The following NSMAF variants were observed in gnomAD, a reference collection of about 807,000 sequenced individuals.
NSMAF encodes protein FAN.
NSMAF carries 90 observed loss-of-function variants against 134.9 expected under a neutral mutation model. That is an observed-to-expected ratio of 0.67 (90% CI 0.56 to 0.79). The LOEUF (loss-of-function observed/expected upper bound fraction) is 0.79. NSMAF is among the 30% of genes least tolerant of loss of function. The pLI is 0.00. For synonymous variants in NSMAF, 358 were observed against 389.6 expected (o/e 0.92, Z 0.96); for missense variants, 1,010 against 1,119.0 (o/e 0.90, Z 1.39).
Position 58,601,347 on chromosome 8 carries a change from T to G in NSMAF, c.1218A>C (p.Ala406=), listed in dbSNP as rs568692877. The change falls in exon 16 of 31, where the codon GCA becomes GCC. Residue 406 remains alanine, a splice_region_variant and synonymous_variant. Transcript: ENST00000038176. ...GYVLFYLVRI[A]PEYMLCLQNG... ...TCTGCAGGCACAGCATATACTCTGG[T>G]GCTAGAGGGGAAAAAGTCAGAGGTA... The G allele has an allele frequency of 1.2e-6, 2 of 1,613,908 alleles. No homozygotes were observed. The highest frequency in any genetic ancestry group is 1.7e-6 in the Non-Finnish European group (2 of 1,179,844).
Position 58,609,680 on chromosome 8 carries a change from G to A in NSMAF, c.611C>T (p.Thr204Met), listed in dbSNP as rs143811464. Residue 204 changes from threonine (T) to methionine (M), a missense_variant, in exon 10 of 31, where the codon ACG (threonine) becomes ATG (methionine). Transcript: ENST00000038176. ...LHMECKAEMV[T>M]PLVTNPGHVC... ...GTGTCCAGGATTAGTCACCAGAGGCGTCACCATTTCTGCTTTGCATTCCAT... is the reference window on the plus strand; with the variant it reads ...GTGTCCAGGATTAGTCACCAGAGGCATCACCATTTCTGCTTTGCATTCCAT... 307 of 1,613,988 alleles carry A rather than the reference G, an allele frequency of 1.9e-4. No individual in the cohort carries two copies. Among genetic ancestry groups the A allele is most frequent in the Admixed American group, 4.3e-4 (26 of 60,000 alleles).
chr8:58,623,190 T>C (rs2129144343), intron 9 of NSMAF, 30 bp downstream of exon 9: 1 of 1,540,376 alleles, frequency 6.5e-7, no homozygotes. Context: ...CCACCACTTT[T>C]CTAATTAGGA....
rs1423838062 is a variant in NSMAF at position 58,635,558 on chromosome 8, A to T, written c.150-12T>A. 2 of 1,528,656 alleles carry T rather than the reference A, an allele frequency of 1.3e-6. No individual in the cohort carries two copies. The highest frequency in any genetic ancestry group is 1.8e-6 in the Non-Finnish European group (2 of 1,120,872). The allele number at this position is 1,528,656 out of a possible 1,614,324, so 94.7% of individuals were successfully genotyped here. On this transcript the variant is annotated splice_polypyrimidine_tract_variant and intron_variant, in intron 2 of 30. Transcript: ENST00000038176. ...AGCCTCTGATTTTCCTAGGGATCCA[A>T]GTACAACAGATTGTTTGATGAGCAT...
chr8:58,586,083 G>T, intron 28 of NSMAF, 83 bp from the exon 29 acceptor site: 2 of 1,070,554 alleles, frequency 1.9e-6, no homozygotes, highest in Non-Finnish European at 2.9e-6. Flanking sequence ...TCTGAGTCCA[G>T]TGGCCTAATC....
At chr8:58,612,484 TATC>T (rs1336839044) in intron 9 of NSMAF, among the ~76,000 whole-genome samples, 8 of 152,144 alleles carry the variant, frequency 5.3e-5, no homozygotes, top group African/African-American at 1.9e-4. Context: ...TGTCCTTTAT[TATC>T]ATAATAAACT....
intron 5 of NSMAF, among the ~76,000 whole-genome samples, chr8:58,634,626 T>C (rs1259079129): frequency 6.6e-6 from 1 of 152,214 alleles, no homozygotes; most frequent in Non-Finnish European, 1.5e-5. Flanking sequence ...CCCTTCTTAT[T>C]TACAATTTTT....
chr8:58,651,362 A>T (rs1807578097), intron 1 of NSMAF, among the ~76,000 whole-genome samples: 1 of 152,196 alleles, frequency 6.6e-6, no homozygotes, highest in Admixed American at 6.5e-5. Flanking sequence ...AAACAATTTC[A>T]CTATTTCATC....
intron 2 of NSMAF, chr8:58,637,113 A>G (rs905856170): frequency 1.3e-5 from 4 of 310,410 alleles, no homozygotes; most frequent in South Asian, 2.9e-5. Flanking sequence ...ATTTCAATCC[A>G]TTGCAGAAGT....
In NSMAF at chr8:58,611,565, T is replaced by C. The variant is rs143955175; in HGVS notation, c.558-1832A>G. Among the ~76,000 whole-genome samples, 504 of 152,102 alleles carry C rather than the reference T, an allele frequency of 3.3e-3. 1 individual carries two copies. Among genetic ancestry groups the C allele is most frequent in the African/African-American group, 0.012 (489 of 41,472 alleles). ...ACAACACATGTGAAAAGACAGAGTT[T>C]CAGCAGAGAAATAGAAACTATGAAA... On this transcript the variant is annotated intron_variant, in intron 9 of 30. Transcript: ENST00000038176.
Position 58,609,692 on chromosome 8 carries a change from G to T in NSMAF, c.599C>A (p.Ala200Glu). The part of the protein sequence containing the change: ...ISEKLHMECK[A>E]EMVTPLVTNP... Reference sequence around the variant, plus strand: ...AGTCACCAGAGGCGTCACCATTTCTGCTTTGCATTCCATGTGCAGCTTTTC... The same window carrying T: ...AGTCACCAGAGGCGTCACCATTTCTTCTTTGCATTCCATGTGCAGCTTTTC... Residue 200 changes from alanine to glutamate, a missense_variant, in exon 10 of 31, where the codon GCA (alanine) becomes GAA (glutamate). Physicochemically the swap from Ala to Glu is moderately radical, Grantham distance 107 (BLOSUM62 -1). Coordinates refer to ENST00000038176, the MANE Select transcript of NSMAF (RefSeq NM_003580.4). 4 of 1,614,134 alleles carry T rather than the reference G, an allele frequency of 2.5e-6. No individual in the cohort carries two copies. Among genetic ancestry groups the T allele is most frequent in the Non-Finnish European group, 3.4e-6 (4 of 1,179,992 alleles).
At position 58,601,923 on chromosome 8, in the gene NSMAF, A is replaced by T. The variant is rs924531995; in HGVS notation, c.1125+135T>A. ...GAGCAGCTAATTCACGGTCAGGAGA[A>T]AAGTAAGAAAAAACTCTACGTAGAG... On this transcript the variant is annotated intron_variant, in intron 14 of 30. Coordinates refer to ENST00000038176, the MANE Select transcript of NSMAF (RefSeq NM_003580.4). 6.3e-5 allele frequency: 42 copies of T among 669,424 alleles called. No homozygotes were observed. The African/African-American group carries it at 6.3e-4, about 10-fold the overall frequency. 41.5% of individuals were successfully genotyped at this position (669,424 alleles called of 1,614,324 possible).
intron 23 of NSMAF, 36 bp from the exon 24 acceptor site, chr8:58,590,970 A>G (rs1218858796): frequency 1.3e-6 from 2 of 1,550,304 alleles, no homozygotes; most frequent in Non-Finnish European, 8.8e-7. Flanking sequence ...TATAAGAAAG[A>G]TTTCCTAACC....
chr8:58,596,253 T>A (rs1466631787), intron 21 of NSMAF, among the ~76,000 whole-genome samples: 1 of 152,212 alleles, frequency 6.6e-6, no homozygotes, highest in Non-Finnish European at 1.5e-5. Flanking sequence ...TTAAAGAAGC[T>A]ACCCCTGGGT....
chr8:58,591,068 C>A, intron 23 of NSMAF, 134 bp from the exon 24 acceptor site: 2 of 1,040,474 alleles, frequency 1.9e-6, no homozygotes, highest in Non-Finnish European at 2.6e-6. Flanking sequence ...TATGGAAAAC[C>A]GAATGTAAAC....
Position 58,631,425 on chromosome 8 carries a change from T to G in NSMAF, c.384+71A>C, listed in dbSNP as rs991341519. 1.3e-5 allele frequency: 11 copies of G among 861,232 alleles called. 1 individual carries two copies. Among genetic ancestry groups the G allele is most frequent in the Admixed American group, 8.8e-5 (3 of 33,900 alleles). 53.3% of individuals were successfully genotyped at this position (861,232 alleles called of 1,614,324 possible). The stretch of plus-strand genomic sequence containing the variant: ...TATTATATTTGATTAAAGATGTTAA[T>G]AGAGTCACAAAATTTTATTGTTCAA... On this transcript the variant is annotated intron_variant, in intron 6 of 30. Coordinates refer to ENST00000038176, the MANE Select transcript of NSMAF (RefSeq NM_003580.4).
At chr8:58,659,070 G>C (rs1484597546) in intron 1 of NSMAF, 2 of 735,176 alleles carry the variant, frequency 2.7e-6, no homozygotes, top group East Asian at 6.9e-5. Flanking sequence ...GCGGCAATGC[G>C]AGTGGGTGGT....
intron 5 of NSMAF, among the ~76,000 whole-genome samples, chr8:58,634,601 C>A (rs187128729): frequency 6.6e-6 from 1 of 152,246 alleles, no homozygotes; most frequent in East Asian, 1.9e-4. Flanking sequence ...AAACCCAGAG[C>A]CAAAAGAAAG....
rs761111200 is a variant in NSMAF at position 58,599,253 on chromosome 8, C to T, written c.1564G>A (p.Asp522Asn). ...LIFGYKQKGS[D>N]AVGAHNVFHP... ...ATACCATTATGGGCCCCAACTGCAT[C>T]ACTCCCTTTTTGTTTGTAGCCAAAT... The change falls in exon 19 of 31, where the codon GAT becomes AAT. Residue 522 changes from aspartate to asparagine, a missense_variant. By Grantham distance (23) the Asp-to-Asn change is conservative. Transcript: ENST00000038176. 6.2e-7 allele frequency: 1 copy of T among 1,613,742 alleles called. No homozygotes were observed. The highest frequency in any genetic ancestry group is 2.2e-5 in the East Asian group (1 of 44,858).
At chr8:58,626,480 C>T (rs1453745298) in intron 6 of NSMAF, among the ~76,000 whole-genome samples, 1 of 152,144 alleles carries the variant, frequency 6.6e-6, no homozygotes, top group African/African-American at 2.4e-5. Flanking sequence ...TTTTCCATTC[C>T]TGAGTTATTT....
Sources: allele counts gnomAD v4.1 joint callset (sites outside exome capture counted in the v4.1 genomes callset), GRCh38; gene constraint gnomAD v4.1.1; transcripts MANE v1.5; gene names NCBI Gene and HGNC (gene_info 2026-07-23, HGNC 2026-07-21).